FHOD3: variants seen among roughly 807,000 people sequenced by gnomAD.
The protein encoded by FHOD3 is formin homology 2 domain containing 3, also known as FH1/FH2 domain-containing protein 3.
A neutral mutation model predicts 173.0 loss-of-function variants in FHOD3; 90 were observed. The ratio of observed to expected loss-of-function variants is 0.52; its 90% CI spans 0.44 to 0.62. FHOD3 has a LOEUF of 0.62. Ranked by LOEUF, FHOD3 falls within the 20% of genes least tolerant of loss-of-function variation. The pLI, the probability that FHOD3 is intolerant of heterozygous loss-of-function variation, is 0.00. For synonymous variants in FHOD3, 828 were observed against 823.0 expected (o/e 1.01, Z -0.10); for missense variants, 1,945 against 2,034.7 (o/e 0.96, Z 0.85).
chr18:36,435,783 G>A (rs2050780049), intron 3 of FHOD3, among the ~76,000 whole-genome samples: 1 of 152,148 alleles, frequency 6.6e-6, no homozygotes, highest in Admixed American at 6.5e-5. Flanking sequence ...TTGATATGAT[G>A]GAAGAAGTCT....
intron 20 of FHOD3, among the ~76,000 whole-genome samples, chr18:36,736,117 G>A (rs557348922): frequency 2.0e-5 from 3 of 152,350 alleles, no homozygotes; most frequent in Non-Finnish European, 4.4e-5. Context: ...AACCCCTCTA[G>A]GGAGTGGGAG....
intron 17 of FHOD3, among the ~76,000 whole-genome samples, chr18:36,702,287 G>C (rs534573980): frequency 1.3e-5 from 2 of 152,186 alleles, no homozygotes; most frequent in Non-Finnish European, 2.9e-5. Context: ...TCATGAGACA[G>C]TCTCCCAGAA....
At position 36,298,006 on chromosome 18, in the gene FHOD3, A is replaced by G; in HGVS notation, c.165+6A>G. On this transcript the variant is annotated splice_donor_region_variant and intron_variant, in intron 1 of 28. Coordinates refer to ENST00000590592, the MANE Select transcript of FHOD3 (RefSeq NM_001281740.3). ...TGCTGCAGGCGCCGCACAAGGTACG[A>G]CCCGGCGGGGTGGGCTGGGCCCCCT... The G allele has an allele frequency of 1.3e-6, 2 of 1,531,894 alleles. No homozygotes were observed. The highest frequency in any genetic ancestry group is 1.8e-6 in the Non-Finnish European group (2 of 1,140,716). 94.9% of individuals were successfully genotyped at this position (1,531,894 alleles called of 1,614,324 possible). A position where few individuals can be genotyped will look rare whatever the true frequency, so the allele number is the denominator to read the frequency against.
chr18:36,500,821 G>A (rs1482925832), intron 3 of FHOD3, among the ~76,000 whole-genome samples: 1 of 152,150 alleles, frequency 6.6e-6, no homozygotes, highest in East Asian at 1.9e-4. Flanking sequence ...CAGTAAACAT[G>A]CGTTGGGTGA....
chr18:36,404,805 T>C (rs932668501), intron 3 of FHOD3, among the ~76,000 whole-genome samples: 1 of 152,238 alleles, frequency 6.6e-6, no homozygotes, highest in Non-Finnish European at 1.5e-5. Context: ...GCTGTTCTTA[T>C]GGTGTGACTA....
chr18:36,614,682 T>G (rs957470218), intron 9 of FHOD3, among the ~76,000 whole-genome samples: 2 of 152,156 alleles, frequency 1.3e-5, no homozygotes, highest in Admixed American at 6.5e-5. Flanking sequence ...ATTTTTATTA[T>G]AGCCAGCTAG....
At chr18:36,399,856 T>TA (rs1252288393) in intron 3 of FHOD3, among the ~76,000 whole-genome samples, 1 of 152,178 alleles carries the variant, frequency 6.6e-6, no homozygotes. Context: ...AGTACACAGT[T>TA]AGAGGACAGT....
At chr18:36,656,536 G>A (rs1388994986) in intron 13 of FHOD3, among the ~76,000 whole-genome samples, 4 of 152,024 alleles carry the variant, frequency 2.6e-5, no homozygotes, top group Admixed American at 1.3e-4. Flanking sequence ...GGATAGATGC[G>A]GGTCGTATCA....
chr18:36,592,835 G>A (rs899947069), intron 6 of FHOD3, among the ~76,000 whole-genome samples: 11 of 152,148 alleles, frequency 7.2e-5, no homozygotes, highest in African/African-American at 2.7e-4. Context: ...GTTCTGTTTT[G>A]GCCACAGTGA....
intron 24 of FHOD3, among the ~76,000 whole-genome samples, chr18:36,753,248 C>T (rs2042482119): frequency 6.6e-6 from 1 of 152,120 alleles, no homozygotes; most frequent in South Asian, 2.1e-4. Flanking sequence ...AGTTCCTTGG[C>T]CTCTGTGTCC....
At chr18:36,706,095 GCTTC>G (rs999378125) in intron 17 of FHOD3, among the ~76,000 whole-genome samples, 27 of 152,120 alleles carry the variant, frequency 1.8e-4, no homozygotes, top group African/African-American at 6.5e-4. Context: ...TGTCCTGGGT[GCTTC>G]CTGAGTATCA....
At chr18:36,459,874 C>G (rs1257318139) in intron 3 of FHOD3, among the ~76,000 whole-genome samples, 2 of 152,048 alleles carry the variant, frequency 1.3e-5, no homozygotes, top group Admixed American at 6.6e-5. Flanking sequence ...TGCCCTTTTC[C>G]TCTTCCAGGA....
In FHOD3 at chr18:36,377,415, A is replaced by G. The variant is rs1438992424; in HGVS notation, c.337+4671A>G. On this transcript the variant is annotated intron_variant, in intron 3 of 28. Transcript: ENST00000590592. The stretch of plus-strand genomic sequence containing the variant: ...CTTTTCTGACATTTCACTTGCCCCT[A>G]GGGTGGCCTTTGGAAAATTAGCTGG... Among the ~76,000 whole-genome samples the G allele has an allele frequency of 5.9e-5, 9 of 152,092 alleles. 1 individual carries two copies. The highest frequency in any genetic ancestry group is 5.9e-4 in the Admixed American group (9 of 15,278).
At chr18:36,745,876 C>A (rs2042135151) in intron 23 of FHOD3, among the ~76,000 whole-genome samples, 1 of 151,800 alleles carries the variant, frequency 6.6e-6, no homozygotes, top group Non-Finnish European at 1.5e-5. Flanking sequence ...TGCTCAACCC[C>A]GCGCACCTCC....
intron 5 of FHOD3, among the ~76,000 whole-genome samples, chr18:36,568,169 C>CAAA (rs111808600): frequency 1.2e-4 from 6 of 49,926 alleles, no homozygotes; most frequent in African/African-American, 4.6e-4. Flanking sequence ...ACTAAAAATA[C>CAAA]AAAAAAAAAA....
intron 3 of FHOD3, among the ~76,000 whole-genome samples, chr18:36,417,986 G>C: frequency 6.6e-6 from 1 of 152,144 alleles, no homozygotes; most frequent in Non-Finnish European, 1.5e-5. Context: ...AATTTAGACT[G>C]AAAATGTTAC....
chr18:36,687,954 C>A (rs1348730570), intron 16 of FHOD3, among the ~76,000 whole-genome samples: 3 of 152,098 alleles, frequency 2.0e-5, no homozygotes, highest in Non-Finnish European at 4.4e-5. Flanking sequence ...AGATACATTA[C>A]TTTATAAGAT....
At chr18:36,641,892 G>T (rs1464136505) in intron 10 of FHOD3, among the ~76,000 whole-genome samples, 2 of 151,458 alleles carry the variant, frequency 1.3e-5, no homozygotes, top group Non-Finnish European at 2.9e-5. Flanking sequence ...GTTGGAGGTT[G>T]CAGTGAGCCA....
intron 6 of FHOD3, among the ~76,000 whole-genome samples, chr18:36,580,422 A>G (rs1185647299): frequency 6.6e-6 from 1 of 152,228 alleles, no homozygotes; most frequent in East Asian, 1.9e-4. Context: ...GCCAAGAGTC[A>G]GCCTGTGCCT....
Sources: gnomAD v4.1 joint callset for allele counts (sites outside exome capture counted in the v4.1 genomes callset) on GRCh38, gnomAD v4.1.1 for gene constraint, MANE v1.5 for transcripts, NCBI Gene and HGNC (gene_info 2026-07-23, HGNC 2026-07-21) for gene names.